The following SLC9A2 variants were observed in gnomAD, a reference collection of about 807,000 sequenced individuals.
SLC9A2 encodes the protein solute carrier family 9 member A2, also known as sodium/hydrogen exchanger 2.
SLC9A2 carries 42 observed loss-of-function variants against 71.7 expected under a neutral mutation model. The observed-to-expected ratio is 0.59, with a 90% CI of 0.46 to 0.76. SLC9A2 has a LOEUF of 0.76. Among genes scored for constraint, SLC9A2 ranks in the 30% least tolerant of loss-of-function variants. The pLI, the probability that SLC9A2 is intolerant of heterozygous loss-of-function variation, is 0.00. For missense variants in SLC9A2, 829 were observed against 1,017.4 expected, an observed-to-expected ratio of 0.81 and a Z score of 2.52; for synonymous variants, 396 against 392.5, an observed-to-expected ratio of 1.01 and a Z score of -0.10.
chr2:102,708,135 C>T lies in SLC9A2; in HGVS notation c.2085C>T (p.Asp695=). The T allele has an allele frequency of 6.2e-7, 1 of 1,612,968 alleles. No individual in the cohort carries two copies. The highest frequency in any genetic ancestry group is 8.5e-7 in the Non-Finnish European group (1 of 1,179,562). Residue 695 remains aspartate, a synonymous_variant, in exon 12 of 12, where the codon GAC becomes GAT. Coordinates refer to ENST00000233969, the MANE Select transcript of SLC9A2 (RefSeq NM_003048.6). ...CCGTGATAGATGGCAATAGCAGCGA[C>T]TCAGACGCAGATGCCGGGACCACCG... ...TISIADGNSS[D]SDADAGTTVL...
At chr2:102,689,887 A>C (rs1200787772) in intron 5 of SLC9A2, 2 of 152,236 alleles carry the variant, frequency 1.3e-5, no homozygotes, top group Non-Finnish European at 2.9e-5. Context: ...TTGGACATAT[A>C]TATTTGCCTA....
chr2:102,637,634 G>A (rs1283000819), intron 1 of SLC9A2, among the ~76,000 whole-genome samples: 3 of 152,126 alleles, frequency 2.0e-5, no homozygotes, highest in Non-Finnish European at 4.4e-5. Flanking sequence ...CTGCAGAAGT[G>A]AACTTCACCA....
intron 5 of SLC9A2, among the ~76,000 whole-genome samples, chr2:102,691,137 C>T (rs1393011670): frequency 1.3e-5 from 2 of 152,196 alleles, no homozygotes; most frequent in African/African-American, 4.8e-5. Flanking sequence ...CTCCCCGTTC[C>T]TCTCCCTGCC....
At position 102,619,726 on chromosome 2, in the gene SLC9A2, G is replaced by C. The variant is rs1330533051; in HGVS notation, c.-123G>C. On this transcript the variant is annotated 5_prime_UTR_variant, in exon 1 of 12. Coordinates refer to ENST00000233969, the MANE Select transcript of SLC9A2 (RefSeq NM_003048.6). This position sits in a 1 kb window ranked among gnomAD's most constrained non-coding sequence, Gnocchi z 4.3. ...AGAGACCCGGTGCCGCAGCAGCGGC[G>C]GGTGGCTGTCGCTGCCCTGCCCTGC... 1 of 808,094 alleles carries C rather than the reference G, an allele frequency of 1.2e-6. No homozygotes were observed. Among genetic ancestry groups the C allele is most frequent in the East Asian group, 3.3e-5 (1 of 29,960 alleles). The allele number at this position is 808,094 out of a possible 1,614,324, so 50.1% of individuals were successfully genotyped here.
In SLC9A2 at chr2:102,684,142, G is replaced by T; in HGVS notation, c.1231G>T (p.Val411Phe). Residue 411 changes from valine to phenylalanine, a missense_variant, in exon 5 of 12, where the codon GTC becomes TTC. Physicochemically the swap from Val to Phe is conservative, Grantham distance 50. Transcript: ENST00000233969. ...GTTTTCTTTCTTTGCAGGTGTTTTT[G>T]TCCTGACTCAGGTCATTAATAGGTT... ...CLMWRALGVFVLTQVINRFRT... is the reference protein window; with the variant it reads ...CLMWRALGVFFLTQVINRFRT... 1 of 1,613,738 alleles carries T rather than the reference G, an allele frequency of 6.2e-7. No individual in the cohort carries two copies. The highest frequency in any genetic ancestry group is 1.1e-5 in the South Asian group (1 of 91,034).
chr2:102,683,126 C>T (rs1677486568), intron 3 of SLC9A2, 135 bp from the exon 4 acceptor site: 4 of 678,704 alleles, frequency 5.9e-6, no homozygotes, highest in Admixed American at 2.5e-5. Context: ...ATCACATTCA[C>T]CTATAAAAAT....
chr2:102,697,029 G>A (rs1191575837), intron 7 of SLC9A2, among the ~76,000 whole-genome samples: 1 of 152,056 alleles, frequency 6.6e-6, no homozygotes, highest in Non-Finnish European at 1.5e-5. Flanking sequence ...TCATAGTAAT[G>A]CCTATTTTCT....
chr2:102,708,811 A>G lies in SLC9A2; in HGVS notation c.*322A>G. ...AATTTTTAACACATCCTTCTTGGTG[A>G]AGATTTTAATATATTACTTATATGC... On this transcript the variant is annotated 3_prime_UTR_variant, in exon 12 of 12. Transcript: ENST00000233969. 1 of 270,550 alleles carries G rather than the reference A, an allele frequency of 3.7e-6. No homozygotes were observed. The highest frequency in any genetic ancestry group is 7.9e-5 in the East Asian group (1 of 12,720). The allele number at this position is 270,550 out of a possible 1,614,324, so 16.8% of individuals were successfully genotyped here.
chr2:102,670,334 T>A (rs1381506181), intron 3 of SLC9A2, among the ~76,000 whole-genome samples: 1 of 152,024 alleles, frequency 6.6e-6, no homozygotes, highest in Non-Finnish European at 1.5e-5. Context: ...TATTTTTTAG[T>A]TCTGCTTTGA....
chr2:102,660,771 G>A (rs1677033336), intron 2 of SLC9A2, among the ~76,000 whole-genome samples: 1 of 152,136 alleles, frequency 6.6e-6, no homozygotes, highest in South Asian at 2.1e-4. Flanking sequence ...TTAGTTTAAG[G>A]AACTCACGGA....
At chr2:102,632,748 A>C (rs1435781131) in intron 1 of SLC9A2, among the ~76,000 whole-genome samples, 1 of 152,200 alleles carries the variant, frequency 6.6e-6, no homozygotes, top group Non-Finnish European at 1.5e-5. Context: ...GAAAGACAGA[A>C]AAGAAAAATC....
chr2:102,705,803 G>A, intron 10 of SLC9A2, 43 bp from the exon 11 acceptor site: 2 of 1,143,856 alleles, frequency 1.7e-6, no homozygotes, highest in Non-Finnish European at 2.5e-6. Flanking sequence ...TACAATAAGT[G>A]CCATTTGTAT....
chr2:102,703,442 C>T (rs900962860), intron 9 of SLC9A2, among the ~76,000 whole-genome samples: 1 of 152,164 alleles, frequency 6.6e-6, no homozygotes, highest in Non-Finnish European at 1.5e-5. Flanking sequence ...TCACACCTTC[C>T]TGTCAGCTGG....
chr2:102,661,399 G>A (rs1179524799), intron 2 of SLC9A2, among the ~76,000 whole-genome samples: 1 of 152,176 alleles, frequency 6.6e-6, no homozygotes, highest in East Asian at 1.9e-4. Flanking sequence ...TTAGGAAGAT[G>A]GAGGGTAAGC....
intron 7 of SLC9A2, among the ~76,000 whole-genome samples, chr2:102,700,259 G>T (rs1044231949): frequency 6.6e-6 from 1 of 152,174 alleles, no homozygotes; most frequent in Admixed American, 6.5e-5. Flanking sequence ...GGGTTTGGCC[G>T]AGAGGTTGGA....
At chr2:102,653,547 G>T (rs1026292149) in intron 1 of SLC9A2, among the ~76,000 whole-genome samples, 2 of 152,184 alleles carry the variant, frequency 1.3e-5, no homozygotes, top group African/African-American at 4.8e-5. Context: ...CAGTCTCATT[G>T]CCTGAGCATG....
At position 102,619,622 on chromosome 2, in the gene SLC9A2, G is replaced by T. The variant is rs1445570578; in HGVS notation, c.-227G>T. ...CGGCTGAGGGCTGCTGAGGGTACGC[G>T]CAGCGGCCTCTCGTCGCCCTGCACG... On this transcript the variant is annotated 5_prime_UTR_variant, in exon 1 of 12. Coordinates refer to ENST00000233969, the MANE Select transcript of SLC9A2 (RefSeq NM_003048.6). This position sits in a 1 kb window ranked among gnomAD's most constrained non-coding sequence, Gnocchi z 4.3. 7.3e-6 allele frequency: 3 copies of T among 409,888 alleles called. No individual in the cohort carries two copies. Among genetic ancestry groups the T allele is most frequent in the Non-Finnish European group, 1.3e-5 (3 of 233,916 alleles). The allele number at this position is 409,888 out of a possible 1,614,324, so 25.4% of individuals were successfully genotyped here. A position where few individuals can be genotyped will look rare whatever the true frequency, so the allele number is the denominator to read the frequency against.
chr2:102,646,745 A>G (rs1283666570), intron 1 of SLC9A2, among the ~76,000 whole-genome samples: 8 of 146,130 alleles, frequency 5.5e-5, no homozygotes, highest in Non-Finnish European at 1.0e-4. Flanking sequence ...GGATCAATGC[A>G]GCAAGAAGAG....
intron 5 of SLC9A2, among the ~76,000 whole-genome samples, chr2:102,693,067 A>G (rs1200717943): frequency 2.0e-5 from 3 of 151,498 alleles, no homozygotes; most frequent in African/African-American, 4.8e-5. Flanking sequence ...ATATATATAT[A>G]TATACACACA....
Sources: gnomAD v4.1 joint callset for allele counts (sites outside exome capture counted in the v4.1 genomes callset) on GRCh38, gnomAD v4.1.1 for gene constraint, Gnocchi (gnomAD v3.1) non-coding constraint, MANE v1.5 for transcripts, NCBI Gene and HGNC (gene_info 2026-07-23, HGNC 2026-07-21) for gene names.